LYPD6B: variants seen among roughly 807,000 people sequenced by gnomAD.
The protein encoded by LYPD6B is ly6/PLAUR domain-containing protein 6B.
A neutral mutation model predicts 22.8 loss-of-function variants in LYPD6B; 17 were observed. That is an observed-to-expected ratio of 0.75 (90% CI 0.51 to 1.12). LYPD6B has a LOEUF of 1.12. LYPD6B is among the 50% of genes most tolerant of loss of function. LYPD6B has a pLI of 0.00. For synonymous variants in LYPD6B, 106 were observed against 91.6 expected (o/e 1.16, Z -0.90); for missense variants, 221 against 258.3 (o/e 0.86, Z 0.99).
intron 1 of LYPD6B, among the ~76,000 whole-genome samples, chr2:149,059,211 C>G (rs1477174939): frequency 6.6e-6 from 1 of 152,232 alleles, no homozygotes; most frequent in African/African-American, 2.4e-5. Flanking sequence ...GACCCCATAT[C>G]AAGTCCCTAC....
Position 149,209,517 on chromosome 2 carries a change from G to GA in LYPD6B, c.328+1114dup, listed in dbSNP as rs201165863. ...AGGTTTTTCAGATATAAGAGGCCAA[G>GA]AAAAAAAAACTCTTACAGAATTAGA... On this transcript the variant is annotated intron_variant, in intron 5 of 6. Coordinates refer to ENST00000409642, the MANE Select transcript of LYPD6B (RefSeq NM_177964.5). Among the ~76,000 whole-genome samples, 8 of 151,136 alleles carry GA rather than the reference G, an allele frequency of 5.3e-5. No homozygotes were observed. The East Asian group carries it at 1.4e-3, about 26-fold the overall frequency.
At chr2:149,160,679 T>G (rs1233961219) in intron 2 of LYPD6B, 85 bp from the exon 3 acceptor site, 1 of 973,882 alleles carries the variant, frequency 1.0e-6, no homozygotes, top group African/African-American at 1.6e-5. Flanking sequence ...GAAACCTGCC[T>G]TTTGTTAGAA....
At chr2:149,046,989 A>G (rs1044020322) in intron 1 of LYPD6B, among the ~76,000 whole-genome samples, 1 of 152,208 alleles carries the variant, frequency 6.6e-6, no homozygotes, top group African/African-American at 2.4e-5. Context: ...TATTTCAAAA[A>G]ACATTCTTAG....
intron 3 of LYPD6B, among the ~76,000 whole-genome samples, chr2:149,176,774 A>G (rs141583064): frequency 1.1e-4 from 17 of 152,314 alleles, no homozygotes; most frequent in Admixed American, 3.3e-4. Flanking sequence ...CTAGCATGGT[A>G]GCCACCCCAA....
At chr2:149,053,216 A>AG (rs1558969720) in intron 1 of LYPD6B, among the ~76,000 whole-genome samples, 1 of 152,226 alleles carries the variant, frequency 6.6e-6, no homozygotes, top group African/African-American at 2.4e-5. Flanking sequence ...GTTAAAAAAA[A>AG]CAAAATAGGA....
At chr2:149,067,563 GT>G (rs138223442) in intron 1 of LYPD6B, among the ~76,000 whole-genome samples, 16 of 146,256 alleles carry the variant, frequency 1.1e-4, no homozygotes, top group East Asian at 2.0e-4. Flanking sequence ...TTAAAACTTT[GT>G]TTTTTTTTTC....
intron 1 of LYPD6B, among the ~76,000 whole-genome samples, chr2:149,074,562 G>C (rs1179280568): frequency 2.0e-5 from 3 of 152,220 alleles, no homozygotes; most frequent in African/African-American, 7.2e-5. Flanking sequence ...TGTGAATCAA[G>C]GTGTGCTGAT....
At chr2:149,157,814 T>C (rs1689804358) in intron 2 of LYPD6B, among the ~76,000 whole-genome samples, 1 of 152,204 alleles carries the variant, frequency 6.6e-6, no homozygotes, top group Admixed American at 6.5e-5. Flanking sequence ...TTATATACCC[T>C]AGAAATGAAA....
At chr2:149,120,515 T>C (rs916013711) in intron 1 of LYPD6B, among the ~76,000 whole-genome samples, 1 of 147,550 alleles carries the variant, frequency 6.8e-6, no homozygotes. Context: ...CCCAAGTAGC[T>C]GGGACTACAG....
chr2:149,131,048 T>G (rs1687997620), intron 2 of LYPD6B, 95 bp downstream of exon 2: 1 of 833,894 alleles, frequency 1.2e-6, no homozygotes, highest in African/African-American at 1.7e-5. Flanking sequence ...CAAAAATATA[T>G]TAAACATTTG....
At chr2:149,169,435 T>C (rs907499473) in intron 3 of LYPD6B, among the ~76,000 whole-genome samples, 2 of 152,228 alleles carry the variant, frequency 1.3e-5, no homozygotes, top group African/African-American at 2.4e-5. Context: ...AGGTTCTCAA[T>C]TGTCAAGTCT....
intron 1 of LYPD6B, among the ~76,000 whole-genome samples, chr2:149,121,465 T>A (rs150064301): frequency 2.1e-3 from 322 of 152,280 alleles, no homozygotes; most frequent in African/African-American, 7.5e-3. Flanking sequence ...CTGATGATTG[T>A]TGCAGTCCCA....
At chr2:149,061,485 G>T (rs1015944425) in intron 1 of LYPD6B, among the ~76,000 whole-genome samples, 16 of 152,062 alleles carry the variant, frequency 1.1e-4, no homozygotes, top group Non-Finnish European at 1.0e-4. Flanking sequence ...CTCCCTGGTA[G>T]CCCCCTGTGA....
intron 2 of LYPD6B, among the ~76,000 whole-genome samples, chr2:149,141,328 A>G (rs1688680093): frequency 6.6e-6 from 1 of 152,178 alleles, no homozygotes; most frequent in South Asian, 2.1e-4. Context: ...CGCGTGGAGT[A>G]CAGGGGGGAG....
At chr2:149,079,472 T>C (rs1685024296) in intron 1 of LYPD6B, among the ~76,000 whole-genome samples, 1 of 152,336 alleles carries the variant, frequency 6.6e-6, no homozygotes, top group Admixed American at 6.5e-5. Flanking sequence ...AAATGGACAC[T>C]GTCGTGCAAG....
At chr2:149,140,316 G>T (rs1012587338) in intron 2 of LYPD6B, among the ~76,000 whole-genome samples, 1 of 152,166 alleles carries the variant, frequency 6.6e-6, no homozygotes, top group African/African-American at 2.4e-5. Flanking sequence ...ATGATGTGGG[G>T]CTCCCTTAAA....
chr2:149,052,478 C>T (rs970503835), intron 1 of LYPD6B, among the ~76,000 whole-genome samples: 5 of 152,218 alleles, frequency 3.3e-5, no homozygotes, highest in Non-Finnish European at 7.3e-5. Flanking sequence ...CAGAAGCAGC[C>T]ATTTTATCAC....
intron 3 of LYPD6B, among the ~76,000 whole-genome samples, chr2:149,169,823 G>T (rs1045682963): frequency 1.3e-5 from 2 of 152,088 alleles, no homozygotes; most frequent in African/African-American, 4.8e-5. Context: ...AACCTGTCCC[G>T]CCAGGTAATG....
rs557943038 is a variant in LYPD6B, at chr2:149,168,141, C to T, written c.77+7306C>T. 2.2e-3 allele frequency among the ~76,000 whole-genome samples: 292 copies of T among 132,240 alleles called. 6 individuals are homozygous for T. In the South Asian group the frequency reaches 0.052, roughly 23 times the overall value. The allele number at this position is 132,240 out of a possible 152,430, so 86.8% of individuals were successfully genotyped here. A position where few individuals can be genotyped will look rare whatever the true frequency, so the allele number is the denominator to read the frequency against. On this transcript the variant is annotated intron_variant, in intron 3 of 6. Coordinates refer to ENST00000409642, the MANE Select transcript of LYPD6B (RefSeq NM_177964.5). ...AGGAGAGTTGCTAGAACGGGGGAGG[C>T]GGAGTTTGCAGTGAGCCAAGAGATT...
Sources: allele counts gnomAD v4.1 joint callset (sites outside exome capture counted in the v4.1 genomes callset), GRCh38; gene constraint gnomAD v4.1.1; transcripts MANE v1.5; gene names NCBI Gene and HGNC (gene_info 2026-07-23, HGNC 2026-07-21).